The following TTC28 variants were observed in gnomAD, a reference collection of about 807,000 sequenced individuals.
The protein encoded by TTC28 is tetratricopeptide repeat domain 28.
TTC28 carries 61 observed loss-of-function variants against 198.0 expected under a neutral mutation model. The observed-to-expected ratio is 0.31, with a 90% confidence interval of 0.25 to 0.38. The LOEUF (loss-of-function observed/expected upper bound fraction) is 0.38. Among genes scored for constraint, TTC28 ranks in the 10% least tolerant of loss-of-function variants. TTC28 has a pLI of 1.00. For missense variants in TTC28, 2,678 were observed against 3,164.0 expected, an observed-to-expected ratio of 0.85 and a Z score of 3.69; for synonymous variants, 1,171 against 1,297.8, an observed-to-expected ratio of 0.90 and a Z score of 2.10.
intron 13 of TTC28, chr22:28,028,701 G>T (rs1176865147): frequency 1.2e-5 from 3 of 252,636 alleles, no homozygotes; most frequent in Non-Finnish European, 7.9e-6. Context: ...CCCTTCCAAA[G>T]TTTCTCCACC....
At chr22:28,608,049 A>G (rs1272194640) in intron 2 of TTC28, among the ~76,000 whole-genome samples, 1 of 152,230 alleles carries the variant, frequency 6.6e-6, no homozygotes, top group East Asian at 1.9e-4. Context: ...AACTTGTCAA[A>G]ATCAACTTTT....
At chr22:28,084,511 A>T (rs996969176) in intron 12 of TTC28, among the ~76,000 whole-genome samples, 6 of 152,222 alleles carry the variant, frequency 3.9e-5, no homozygotes, top group Admixed American at 6.5e-5. Context: ...ACCCATCTGT[A>T]TGTCACCATC....
At chr22:28,133,354 C>T (rs1943107639) in intron 6 of TTC28, among the ~76,000 whole-genome samples, 1 of 152,190 alleles carries the variant, frequency 6.6e-6, no homozygotes, top group Non-Finnish European at 1.5e-5. Flanking sequence ...GTTCATCTCA[C>T]TGGGGCTTGT....
chr22:28,456,975 A>C (rs1181986179), intron 2 of TTC28, among the ~76,000 whole-genome samples: 1 of 152,246 alleles, frequency 6.6e-6, no homozygotes, highest in East Asian at 1.9e-4. Flanking sequence ...AAAGTTGAGA[A>C]AACAGTCTTA....
intron 2 of TTC28, among the ~76,000 whole-genome samples, chr22:28,464,592 C>CT (rs959125170): frequency 1.3e-5 from 2 of 152,094 alleles, no homozygotes; most frequent in Non-Finnish European, 2.9e-5. Flanking sequence ...AAAATTCTAT[C>CT]TGTCTTCACT....
In TTC28 at chr22:27,983,339, C is replaced by T; in HGVS notation, c.6328G>A (p.Val2110Met). The T allele has an allele frequency of 1.3e-6, 2 of 1,551,850 alleles. No individual in the cohort carries two copies. Among genetic ancestry groups the T allele is most frequent in the South Asian group, 1.2e-5 (1 of 84,040 alleles). Reference protein sequence around the residue: ...KGSISTPNSPVKMTLIPSPNS... With the variant: ...KGSISTPNSPMKMTLIPSPNS... The stretch of plus-strand genomic sequence containing the variant: ...GGGCTGGGAATCAGAGTCATTTTCA[C>T]TGGAGAATTTGGAGTGCTGATGCTC... The change falls in exon 23 of 23, where the codon GTG becomes ATG. Residue 2110 changes from valine to methionine, a missense_variant. By Grantham distance (21) the Val-to-Met change is conservative (BLOSUM62 1). This residue lies in a region of TTC28 where 622 missense variants were observed against 656.0 expected (regional missense o/e 0.95). Coordinates refer to ENST00000397906, the MANE Select transcript of TTC28 (RefSeq NM_001145418.2).
chr22:28,613,957 G>C (rs1341298405), intron 2 of TTC28, among the ~76,000 whole-genome samples: 1 of 152,192 alleles, frequency 6.6e-6, no homozygotes, highest in African/African-American at 2.4e-5. Context: ...AATCAGGCAA[G>C]AGAAAGAAAT....
At chr22:28,224,267 G>A (rs1466794369) in intron 5 of TTC28, among the ~76,000 whole-genome samples, 3 of 152,134 alleles carry the variant, frequency 2.0e-5, no homozygotes, top group Non-Finnish European at 2.9e-5. Context: ...TAGGTCTGGG[G>A]CAGGATCTGA....
At chr22:28,560,190 T>C (rs1432797937) in intron 2 of TTC28, among the ~76,000 whole-genome samples, 2 of 152,226 alleles carry the variant, frequency 1.3e-5, no homozygotes, top group East Asian at 1.9e-4. Context: ...TCCTACTTGA[T>C]GCTATCTGGA....
chr22:28,314,994 A>AT (rs1302277718), intron 2 of TTC28, among the ~76,000 whole-genome samples: 1 of 152,140 alleles, frequency 6.6e-6, no homozygotes, highest in Non-Finnish European at 1.5e-5. Context: ...TTTGAGGAAT[A>AT]TTTGCTGCTT....
intron 1 of TTC28, among the ~76,000 whole-genome samples, chr22:28,674,140 A>G (rs2051936487): frequency 1.3e-5 from 2 of 151,986 alleles, no homozygotes; most frequent in Non-Finnish European, 2.9e-5. Context: ...CAATACAACT[A>G]TGTGGTATGA....
intron 2 of TTC28, among the ~76,000 whole-genome samples, chr22:28,335,829 T>C (rs1420097659): frequency 6.6e-6 from 1 of 152,226 alleles, no homozygotes; most frequent in Non-Finnish European, 1.5e-5. Context: ...ATAACATTTA[T>C]TTTCTTCTCC....
chr22:28,466,820 T>C (rs11912019), intron 2 of TTC28, among the ~76,000 whole-genome samples: 2,766 of 143,876 alleles, frequency 0.019, 91 homozygotes, highest in African/African-American at 0.058. Context: ...TATACATACA[T>C]ACACACACAC....
chr22:28,208,979 C>T (rs1437548704), intron 5 of TTC28, among the ~76,000 whole-genome samples: 1 of 152,174 alleles, frequency 6.6e-6, no homozygotes, highest in Non-Finnish European at 1.5e-5. Flanking sequence ...TACTTGAAAA[C>T]CACTGACTAA....
At chr22:28,672,565 G>T (rs1034614228) in intron 1 of TTC28, among the ~76,000 whole-genome samples, 2 of 152,150 alleles carry the variant, frequency 1.3e-5, no homozygotes, top group African/African-American at 4.8e-5. Context: ...CTCCTAAAAT[G>T]CTGGGATTAC....
chr22:28,189,111 G>A (rs1422230218), intron 5 of TTC28, among the ~76,000 whole-genome samples: 1 of 152,160 alleles, frequency 6.6e-6, no homozygotes, highest in Non-Finnish European at 1.5e-5. Flanking sequence ...ACTTTGGGAG[G>A]CTGAGGTGGG....
chr22:28,036,373 A>G (rs1939345519), intron 12 of TTC28, among the ~76,000 whole-genome samples: 1 of 152,232 alleles, frequency 6.6e-6, no homozygotes, highest in African/African-American at 2.4e-5. Flanking sequence ...CTCACTCAAA[A>G]CCGGACAACT....
At chr22:28,403,565 T>G (rs2046952344) in intron 2 of TTC28, among the ~76,000 whole-genome samples, 1 of 152,340 alleles carries the variant, frequency 6.6e-6, no homozygotes, top group South Asian at 2.1e-4. Flanking sequence ...GATGTCTCCA[T>G]GAAGGCTCAT....
At chr22:28,349,303 T>A (rs1182894244) in intron 2 of TTC28, among the ~76,000 whole-genome samples, 3 of 152,242 alleles carry the variant, frequency 2.0e-5, no homozygotes, top group Non-Finnish European at 4.4e-5. Context: ...TAGAAACAGA[T>A]GAAATTGTTA....
Sources: allele counts gnomAD v4.1 joint callset (sites outside exome capture counted in the v4.1 genomes callset), GRCh38; gene constraint gnomAD v4.1.1; regional missense constraint gnomAD v4.1.1; transcripts MANE v1.5; gene names NCBI Gene and HGNC (gene_info 2026-07-23, HGNC 2026-07-21).